Variants in ZFP69B observed in about 807,000 individuals in gnomAD.
ZFP69B encodes ZFP69 zinc finger protein B, also known as zinc finger protein 69 homolog B.
Under a neutral mutation model 19.7 loss-of-function variants are expected in ZFP69B, and 20 were observed. The ratio of observed to expected loss-of-function variants is 1.02; its 90% CI spans 0.71 to 1.48. The LOEUF is 1.48. Among genes scored for constraint, ZFP69B ranks in the 40% most tolerant of loss-of-function variants. The pLI, the probability that ZFP69B is intolerant of heterozygous loss-of-function variation, is 0.00. For synonymous variants in ZFP69B, 220 were observed against 222.7 expected (o/e 0.99, Z 0.11); for missense variants, 583 against 632.6 (o/e 0.92, Z 0.84).
chr1:40,451,658 G>C (rs897846039), intron 1 of ZFP69B, among the ~76,000 whole-genome samples: 1 of 145,760 alleles, frequency 6.9e-6, no homozygotes, highest in African/African-American at 2.5e-5. Flanking sequence ...AGACGTGGGG[G>C]GGGGGGAATT....
chr1:40,454,346 GGAGTTT>G, intron 2 of ZFP69B, 58 bp downstream of exon 2: 3 of 1,294,724 alleles, frequency 2.3e-6, no homozygotes, highest in Non-Finnish European at 3.1e-6. Flanking sequence ...TAAGAGCGCA[GGAGTTT>G]GATTTTCTTT....
chr1:40,461,147 A>C (rs1342381828), intron 4 of ZFP69B, among the ~76,000 whole-genome samples: 1 of 144,440 alleles, frequency 6.9e-6, no homozygotes, highest in Admixed American at 6.9e-5. Flanking sequence ...CCCCATCACA[A>C]AAAAAAAAAA....
chr1:40,451,586 T>C (rs1322468567), intron 1 of ZFP69B, among the ~76,000 whole-genome samples: 1 of 147,118 alleles, frequency 6.8e-6, no homozygotes, highest in Non-Finnish European at 1.5e-5. Flanking sequence ...GTATCCAAAC[T>C]GATGGTAACA....
intron 1 of ZFP69B, among the ~76,000 whole-genome samples, chr1:40,453,765 G>A (rs1040612483): frequency 6.6e-6 from 1 of 152,096 alleles, no homozygotes; most frequent in Non-Finnish European, 1.5e-5. Context: ...CCAGCTACTC[G>A]GGAGGCTGAG....
chr1:40,456,089 T>C (rs566733507), intron 2 of ZFP69B, among the ~76,000 whole-genome samples: 2 of 152,336 alleles, frequency 1.3e-5, no homozygotes, highest in African/African-American at 4.8e-5. Flanking sequence ...GTCTTTATAA[T>C]AGAATGATTT....
At chr1:40,452,318 A>T (rs944905005) in intron 1 of ZFP69B, among the ~76,000 whole-genome samples, 1 of 152,208 alleles carries the variant, frequency 6.6e-6, no homozygotes, top group Non-Finnish European at 1.5e-5. Context: ...GTTTTAATCA[A>T]ATGTCTCAGT....
intron 4 of ZFP69B, among the ~76,000 whole-genome samples, chr1:40,458,226 A>G (rs1309668707): frequency 6.6e-6 from 1 of 152,198 alleles, no homozygotes; most frequent in Non-Finnish European, 1.5e-5. Flanking sequence ...TTATGGCACT[A>G]TTTTACACGA....
upstream of ZFP69B, among the ~76,000 whole-genome samples, chr1:40,450,376 G>T (rs1369139189): frequency 6.6e-6 from 1 of 152,228 alleles, no homozygotes; most frequent in Non-Finnish European, 1.5e-5. Flanking sequence ...GCGGGGTCTA[G>T]CGGTTTCGCG....
Position 40,457,325 on chromosome 1 carries a change from T to G in ZFP69B, c.341-19T>G, listed in dbSNP as rs750066667. The G allele has an allele frequency of 5.6e-6, 9 of 1,613,086 alleles. No homozygotes were observed. Among genetic ancestry groups the G allele is most frequent in the Non-Finnish European group, 7.6e-6 (9 of 1,179,084 alleles). On this transcript the variant is annotated intron_variant, in intron 3 of 4. Transcript: ENST00000361584. ...CTCTGTGACCTCAGCATATACAGTC[T>G]TTTCTTCCCCATAAGCAGGATGTCA...
In ZFP69B at chr1:40,450,641, A is replaced by G. The variant is rs1645176491; in HGVS notation, c.-321A>G. On this transcript the variant is annotated 5_prime_UTR_variant, in exon 1 of 5. It removes an upstream start codon present in the reference 5' UTR. Coordinates refer to ENST00000361584, the MANE Select transcript of ZFP69B (RefSeq NM_023070.3). ...CCTCCTTAGTCCTTTGCTGATTCTA[A>G]TGTCTTCTGCTCAGCATCTGCAGGG... The G allele has an allele frequency of 5.5e-6, 1 of 180,376 alleles. No homozygotes were observed. The highest frequency in any genetic ancestry group is 6.1e-5 in the Admixed American group (1 of 16,422). The allele number at this position is 180,376 out of a possible 1,614,324, so 11.2% of individuals were successfully genotyped here.
chr1:40,451,046 G>C lies in ZFP69B; in HGVS notation c.85G>C (p.Val29Leu), dbSNP rs926935551. ...LRHPKAATER[V>L]ALWEDVTKMF... is the part of the protein sequence containing the mutation. ...TCATCCAAAGGCGGCCACGGAGCGG[G>C]TGGCCCTGTGGGAGGATGTGACTAA... Residue 29 changes from valine (V) to leucine (L), a missense_variant, in exon 1 of 5, where the codon GTG becomes CTG. Transcript: ENST00000361584. 1 of 1,549,976 alleles carries C rather than the reference G, an allele frequency of 6.5e-7. No individual in the cohort carries two copies.
rs149173649 is a variant in ZFP69B at position 40,463,153 on chromosome 1, C to T, written c.1169C>T (p.Pro390Leu). The T allele has an allele frequency of 2.5e-6, 4 of 1,614,082 alleles. No homozygotes were observed. Among genetic ancestry groups the T allele is most frequent in the Non-Finnish European group, 3.4e-6 (4 of 1,180,010 alleles). ...TTGAGAACTCATGTTAGAGAGAAACCTTTTACATGCAAAGACTGTGGAAAA... is the reference window on the plus strand; with the variant it reads ...TTGAGAACTCATGTTAGAGAGAAACTTTTTACATGCAAAGACTGTGGAAAA... ...QHLRTHVREKPFTCKDCGKAF... is the reference protein window; with the variant it reads ...QHLRTHVREKLFTCKDCGKAF... Residue 390 changes from proline to leucine, a missense_variant, in exon 5 of 5, where the codon CCT becomes CTT. Transcript: ENST00000361584.
rs760373365 is a variant in ZFP69B, at chr1:40,457,367, G to A, written c.364G>A (p.Val122Met). Residue 122 changes from valine to methionine, a missense_variant, in exon 4 of 5, where the codon GTG becomes ATG. Transcript: ENST00000361584. ...AGGATGTCAGCTTTCCAAACCTGGC[G>A]TGATTTCCCAGTTGGAGAAAGGAGA... Reference protein sequence around the residue: ...SVGCQLSKPGVISQLEKGEEP... With the variant: ...SVGCQLSKPGMISQLEKGEEP... The A allele has an allele frequency of 2.1e-5, 34 of 1,614,014 alleles. No homozygotes were observed. Among genetic ancestry groups the A allele is most frequent in the Non-Finnish European group, 2.5e-5 (29 of 1,180,022 alleles).
chr1:40,462,824 G>T lies in ZFP69B; in HGVS notation c.840G>T (p.Glu280Asp). The T allele has an allele frequency of 1.9e-6, 3 of 1,613,962 alleles. No homozygotes were observed. Among genetic ancestry groups the T allele is most frequent in the Non-Finnish European group, 2.5e-6 (3 of 1,179,990 alleles). Reference sequence around the variant, plus strand: ...GTTATACAAAAATGAAAACCTTTGAGTGTAATATTTGTGAAAAAATCTTCA... The same window carrying T: ...GTTATACAAAAATGAAAACCTTTGATTGTAATATTTGTGAAAAAATCTTCA... ...SRSYTKMKTF[E>D]CNICEKIFKQ... The change falls in exon 5 of 5, where the codon GAG (glutamate) becomes GAT (aspartate). Residue 280 changes from glutamate (E) to aspartate (D), a missense_variant. Coordinates refer to ENST00000361584, the MANE Select transcript of ZFP69B (RefSeq NM_023070.3).
rs1645299180 is a variant in ZFP69B, at chr1:40,462,599, T to C, written c.615T>C (p.Gly205=). The change falls in exon 5 of 5, where the codon GGT becomes GGC. Residue 205 remains glycine (G), a synonymous_variant. Transcript: ENST00000361584. Reference sequence around the variant, plus strand: ...GCCAACAAGAGAACCAAAGAATGGGTAAGGGGCAAATCCCCCTGATGTGCA... The same window carrying C: ...GCCAACAAGAGAACCAAAGAATGGGCAAGGGGCAAATCCCCCTGATGTGCA... The part of the protein sequence containing the change: ...LESQQENQRM[G]KGQIPLMCKK... 6.2e-7 allele frequency: 1 copy of C among 1,613,836 alleles called. No homozygotes were observed. Among genetic ancestry groups the C allele is most frequent in the Admixed American group, 1.7e-5 (1 of 59,984 alleles).
Position 40,463,132 on chromosome 1 carries a change from G to A in ZFP69B, c.1148G>A (p.Arg383Lys). ...SQSIGLIQHL[R>K]THVREKPFTC... ...AGCATTGGACTGATCCAGCATTTGA[G>A]AACTCATGTTAGAGAGAAACCTTTT... Residue 383 changes from arginine to lysine, a missense_variant, in exon 5 of 5, where the codon AGA becomes AAA. Transcript: ENST00000361584. 1 of 1,614,180 alleles carries A rather than the reference G, an allele frequency of 6.2e-7. No homozygotes were observed. Among genetic ancestry groups the A allele is most frequent in the African/African-American group, 1.3e-5 (1 of 75,064 alleles).
chr1:40,462,177 C>T (rs1645291140), intron 4 of ZFP69B, among the ~76,000 whole-genome samples: 1 of 152,124 alleles, frequency 6.6e-6, no homozygotes, highest in Non-Finnish European at 1.5e-5. Context: ...GCCTCAGCCT[C>T]CTAAAATGCT....
chr1:40,452,340 C>T (rs75268928), intron 1 of ZFP69B, among the ~76,000 whole-genome samples: 1,592 of 152,220 alleles, frequency 0.01, 19 homozygotes, highest in South Asian at 0.029. Flanking sequence ...ATGGGATAGC[C>T]GGGCATTTTA....
chr1:40,451,694 A>G (rs979895727), intron 1 of ZFP69B, among the ~76,000 whole-genome samples: 4 of 151,862 alleles, frequency 2.6e-5, no homozygotes, highest in Non-Finnish European at 4.4e-5. Flanking sequence ...GAGGTAATTA[A>G]TACACTGATT....
Sources: gnomAD v4.1 joint callset for allele counts (sites outside exome capture counted in the v4.1 genomes callset) on GRCh38, gnomAD v4.1.1 for gene constraint, MANE v1.5 for transcripts, NCBI Gene and HGNC (gene_info 2026-07-23, HGNC 2026-07-21) for gene names.